Variants in VANGL2 observed in about 807,000 individuals in gnomAD.
The protein encoded by VANGL2 is vang-like protein 2.
A neutral mutation model predicts 50.2 loss-of-function variants in VANGL2; 14 were observed. That is an observed-to-expected ratio of 0.28 (90% CI 0.18 to 0.44). The LOEUF (loss-of-function observed/expected upper bound fraction) is 0.44, where lower values mean the gene tolerates loss of function less well. Among genes scored for constraint, VANGL2 ranks in the 20% least tolerant of loss-of-function variants. VANGL2 has a pLI of 1.00. For missense variants in VANGL2, 533 were observed against 701.5 expected (o/e 0.76, Z 2.71); for synonymous variants, 295 against 297.2 (o/e 0.99, Z 0.08).
chr1:160,412,892 T>C (rs1221633565), intron 1 of VANGL2, among the ~76,000 whole-genome samples: 2 of 152,242 alleles, frequency 1.3e-5, no homozygotes, highest in African/African-American at 4.8e-5. Context: ...CTGTACTTTT[T>C]CTATGTTTAG....
chr1:160,416,320 C>T, intron 3 of VANGL2, 138 bp downstream of exon 3: 1 of 1,455,752 alleles, frequency 6.9e-7, no homozygotes, highest in South Asian at 1.2e-5. Context: ...TTTTGTGTTA[C>T]ACTTAGCTTG....
At chr1:160,400,915 GAAGA>G (rs769730028) in intron 1 of VANGL2, 46 bp downstream of exon 1, 6 of 152,208 alleles carry the variant, frequency 3.9e-5, no homozygotes, top group Middle Eastern at 3.1e-3. Flanking sequence ...GAAAAAAAAA[GAAGA>G]AAGAAAGAGA....
intron 1 of VANGL2, among the ~76,000 whole-genome samples, chr1:160,403,921 C>T (rs1310708338): frequency 1.3e-5 from 2 of 152,146 alleles, no homozygotes; most frequent in African/African-American, 4.8e-5. Context: ...TGTCTAATTC[C>T]GTGACATCAG....
Position 160,424,099 on chromosome 1 carries a change from A to G in VANGL2, c.1121A>G (p.Gln374Arg), listed in dbSNP as rs1195416768. The G allele has an allele frequency of 6.2e-7, 1 of 1,614,082 alleles. No homozygotes were observed. The highest frequency in any genetic ancestry group is 1.3e-5 in the African/African-American group (1 of 75,056). Residue 374 changes from glutamine (Q) to arginine (R), a missense_variant, in exon 7 of 8, where the codon CAG becomes CGG. By Grantham distance (43) the Gln-to-Arg change is conservative. Transcript: ENST00000368061. Reference sequence around the variant, plus strand: ...GCCTTCACTCACATTAAGCGGCTGCAGGAAGAGGAGCAGAAAAACCCCAGG... The same window carrying G: ...GCCTTCACTCACATTAAGCGGCTGCGGGAAGAGGAGCAGAAAAACCCCAGG... ...EEAFTHIKRL[Q>R]EEEQKNPREV... is the part of the protein sequence containing the mutation.
At position 160,425,604 on chromosome 1, in the gene VANGL2, A is replaced by G. The variant is rs1651425344; in HGVS notation, c.*226A>G. On this transcript the variant is annotated 3_prime_UTR_variant, in exon 8 of 8. Coordinates refer to ENST00000368061, the MANE Select transcript of VANGL2 (RefSeq NM_020335.3). Reference sequence around the variant, plus strand: ...TCAACAGTACCTGGGAAGGACTCCCACCTCACCAACAACTTTTGTATTACT... The same window carrying G: ...TCAACAGTACCTGGGAAGGACTCCCGCCTCACCAACAACTTTTGTATTACT... 1.6e-5 allele frequency: 9 copies of G among 551,056 alleles called. No individual in the cohort carries two copies. The South Asian group carries it at 1.7e-4, about 10-fold the overall frequency. 34.1% of individuals were successfully genotyped at this position (551,056 alleles called of 1,614,324 possible). A position where few individuals can be genotyped will look rare whatever the true frequency, so the allele number is the denominator to read the frequency against.
chr1:160,415,828 T>A lies in VANGL2; in HGVS notation c.-10T>A, dbSNP rs1461520273. 1 of 1,612,176 alleles carries A rather than the reference T, an allele frequency of 6.2e-7. No individual in the cohort carries two copies. Among genetic ancestry groups the A allele is most frequent in the Non-Finnish European group, 8.5e-7 (1 of 1,179,410 alleles). On this transcript the variant is annotated 5_prime_UTR_variant, in exon 2 of 8. Transcript: ENST00000368061. ...CCCTGGAGCGCTACAAGGCGCGGCG[T>A]TCAGACGCCATGGACACCGAGTCCC...
chr1:160,410,591 C>A (rs1650845149), intron 1 of VANGL2, among the ~76,000 whole-genome samples: 1 of 152,106 alleles, frequency 6.6e-6, no homozygotes. Context: ...ACGCCTTGCC[C>A]ACTTGAGCCG....
In VANGL2 at chr1:160,419,034, A is replaced by G. The variant is rs771081137; in HGVS notation, c.225A>G (p.Val75=). ...DDNWGETTTV[V]TGTSEHSISH... The stretch of plus-strand genomic sequence containing the variant: ...ACTGGGGGGAAACGACGACAGTAGT[A>G]ACGGGCACCTCAGAGCACAGCATCT... Residue 75 remains valine (V), a synonymous_variant, in exon 4 of 8, where the codon GTA becomes GTG. Transcript: ENST00000368061. The surrounding 1 kb of genome is among the most constrained non-coding windows in gnomAD (Gnocchi z 5.8). The G allele has an allele frequency of 1.1e-5, 18 of 1,609,902 alleles. No individual in the cohort carries two copies. Among genetic ancestry groups the G allele is most frequent in the South Asian group, 8.8e-5 (8 of 90,850 alleles).
At position 160,420,415 on chromosome 1, in the gene VANGL2, C is replaced by CAGCGA. The variant is rs752247379; in HGVS notation, c.809_810insAAGCG (p.Val271SerfsTer58). The CAGCGA allele has an allele frequency of 6.2e-7, 1 of 1,614,072 alleles. No homozygotes were observed. The highest frequency in any genetic ancestry group is 8.5e-7 in the Non-Finnish European group (1 of 1,180,016). On this transcript the variant is annotated frameshift_variant, in exon 5 of 8. Transcript: ENST00000368061. LOFTEE classifies it high-confidence loss of function. The stretch of plus-strand genomic sequence containing the variant: ...CTCCTGCCGTCTCCCCCACAGCATC[C>CAGCGA]AGCGCGTGGCAGTGTGGATCCTGGA...
intron 1 of VANGL2, among the ~76,000 whole-genome samples, chr1:160,404,174 G>C (rs1461022977): frequency 6.6e-6 from 1 of 152,146 alleles, no homozygotes; most frequent in African/African-American, 2.4e-5. Flanking sequence ...GACCACATTA[G>C]GCACTCTCTC....
intron 6 of VANGL2, among the ~76,000 whole-genome samples, chr1:160,422,375 T>A (rs1362472470): frequency 6.6e-6 from 1 of 152,238 alleles, no homozygotes; most frequent in Non-Finnish European, 1.5e-5. Context: ...GAGGACTCTT[T>A]CCTTTCCCCA....
chr1:160,420,402 C>A lies in VANGL2; in HGVS notation c.801-9C>A. ...CTTCTCCCACCCCCTCCTGCCGTCT[C>A]CCCCACAGCATCCAGCGCGTGGCAG... On this transcript the variant is annotated splice_polypyrimidine_tract_variant and intron_variant, in intron 4 of 7. Coordinates refer to ENST00000368061, the MANE Select transcript of VANGL2 (RefSeq NM_020335.3). 2 of 1,614,004 alleles carry A rather than the reference C, an allele frequency of 1.2e-6. No homozygotes were observed. Among genetic ancestry groups the A allele is most frequent in the Non-Finnish European group, 1.7e-6 (2 of 1,180,006 alleles).
chr1:160,418,903 T>C (rs1651154971), intron 3 of VANGL2, 99 bp from the exon 4 acceptor site: 1 of 1,452,166 alleles, frequency 6.9e-7, no homozygotes, highest in Admixed American at 2.2e-5. Context: ...CATGTGTTCT[T>C]CTCTGTCTCC....
chr1:160,416,279 G>A, intron 3 of VANGL2, 97 bp downstream of exon 3: 2 of 1,595,740 alleles, frequency 1.3e-6, no homozygotes, highest in Non-Finnish European at 1.7e-6. Flanking sequence ...TGGAAACCTG[G>A]TCTCAGACAG....
rs1047474846 is a variant in VANGL2 at position 160,417,270 on chromosome 1, G to A, written c.192+1088G>A. On this transcript the variant is annotated intron_variant, in intron 3 of 7. Transcript: ENST00000368061. The stretch of plus-strand genomic sequence containing the variant: ...AACCTCCCTAATCACTGGTGCTGTC[G>A]GGCTGCCTTCATCCTGTAACCTCAA... Among the ~76,000 whole-genome samples the A allele has an allele frequency of 1.6e-4, 25 of 152,216 alleles. No homozygotes were observed. The East Asian group carries it at 1.9e-3, about 12-fold the overall frequency.
chr1:160,415,535 C>G, intron 1 of VANGL2, 113 bp from the exon 2 acceptor site: 3 of 443,276 alleles, frequency 6.8e-6, no homozygotes, highest in South Asian at 4.3e-5. Flanking sequence ...TATTCTCAGG[C>G]TATGGCTGGG....
At position 160,415,805 on chromosome 1, in the gene VANGL2, C is replaced by G; in HGVS notation, c.-33C>G. ...CCCCAAGAGGCCCCAGCCTGCGGCC[C>G]TGGAGCGCTACAAGGCGCGGCGTTC... On this transcript the variant is annotated 5_prime_UTR_variant, in exon 2 of 8. Transcript: ENST00000368061. The G allele has an allele frequency of 6.2e-7, 1 of 1,604,482 alleles. No individual in the cohort carries two copies. The highest frequency in any genetic ancestry group is 1.3e-5 in the African/African-American group (1 of 75,028).
rs1024334237 is a variant in VANGL2 at position 160,419,438 on chromosome 1, G to T, written c.629G>T (p.Arg210Leu). ...YGVRILDARE[R>L]SYQGVVQFAV... is the part of the protein sequence containing the mutation. ...GTGCGCATCCTGGATGCTCGGGAGC[G>T]CAGCTACCAGGGCGTGGTGCAGTTC... The change falls in exon 4 of 8, where the codon CGC (arginine) becomes CTC (leucine). Residue 210 changes from arginine (R) to leucine (L), a missense_variant. By Grantham distance (102) the Arg-to-Leu change is moderately radical (BLOSUM62 -2). Transcript: ENST00000368061. This position sits in a 1 kb window ranked among gnomAD's most constrained non-coding sequence, Gnocchi z 5.8. The T allele has an allele frequency of 6.2e-7, 1 of 1,611,080 alleles. No homozygotes were observed. Among genetic ancestry groups the T allele is most frequent in the Non-Finnish European group, 8.5e-7 (1 of 1,179,996 alleles).
chr1:160,410,153 G>A (rs1650824724), intron 1 of VANGL2, among the ~76,000 whole-genome samples: 1 of 152,132 alleles, frequency 6.6e-6, no homozygotes, highest in South Asian at 2.1e-4. Context: ...GAGAAAAATG[G>A]TCCTATCAGA....
Sources: gnomAD v4.1 joint callset for allele counts (sites outside exome capture counted in the v4.1 genomes callset) on GRCh38, gnomAD v4.1.1 for gene constraint, Gnocchi (gnomAD v3.1) non-coding constraint, MANE v1.5 for transcripts, NCBI Gene and HGNC (gene_info 2026-07-23, HGNC 2026-07-21) for gene names.